Variants in FAT3 observed in about 807,000 individuals in gnomAD.
FAT3 encodes FAT atypical cadherin 3.
A neutral mutation model predicts 310.2 loss-of-function variants in FAT3; 95 were observed. The ratio of observed to expected loss-of-function variants is 0.31; its 90% CI spans 0.26 to 0.36. The LOEUF is 0.36. FAT3 is among the 10% of genes least tolerant of loss of function. The pLI, the probability that FAT3 is intolerant of heterozygous loss-of-function variation, is 1.00. For missense variants in FAT3, 5,408 were observed against 5,715.6 expected, an observed-to-expected ratio of 0.95 and a Z score of 1.74; for synonymous variants, 2,314 against 2,192.9, an observed-to-expected ratio of 1.06 and a Z score of -1.54.
At chr11:92,822,457 C>T (rs1411813868) in intron 13 of FAT3, among the ~76,000 whole-genome samples, 1 of 152,100 alleles carries the variant, frequency 6.6e-6, no homozygotes, top group Non-Finnish European at 1.5e-5. Context: ...GCAGAAAATC[C>T]AAGGACCCCA....
At chr11:92,427,563 G>A (rs1204039748) in intron 2 of FAT3, among the ~76,000 whole-genome samples, 1 of 152,138 alleles carries the variant, frequency 6.6e-6, no homozygotes, top group Non-Finnish European at 1.5e-5. Context: ...AGTCTATTGA[G>A]AGTTTTTAGA....
chr11:92,488,450 G>GCCCCCCCT (rs1952495332), intron 2 of FAT3, among the ~76,000 whole-genome samples: 1 of 9,334 alleles, frequency 1.1e-4, no homozygotes, highest in Admixed American at 2.4e-3. Flanking sequence ...AACTAGCACC[G>GCCCCCCCT]CCCCCCCCCC....
chr11:92,687,338 A>G (rs916531415), intron 3 of FAT3, among the ~76,000 whole-genome samples: 1 of 152,210 alleles, frequency 6.6e-6, no homozygotes, highest in East Asian at 1.9e-4. Context: ...TAGCAGAGCC[A>G]GGACTTAGAC....
chr11:92,386,239 T>C (rs985814306), intron 2 of FAT3, among the ~76,000 whole-genome samples: 2 of 152,256 alleles, frequency 1.3e-5, no homozygotes, highest in South Asian at 4.1e-4. Context: ...AGTTTTGTTA[T>C]CTAGCTTGAA....
chr11:92,294,877 T>G (rs1189715814), intron 1 of FAT3, among the ~76,000 whole-genome samples: 1 of 152,122 alleles, frequency 6.6e-6, no homozygotes, highest in Non-Finnish European at 1.5e-5. Context: ...CTTTCAAGTC[T>G]TGTGTTTTTA....
At chr11:92,741,716 C>T (rs112470413) in intron 4 of FAT3, among the ~76,000 whole-genome samples, 3 of 152,228 alleles carry the variant, frequency 2.0e-5, no homozygotes, top group African/African-American at 4.8e-5. Context: ...CCAAGATGAA[C>T]CATCTTTCTG....
intron 4 of FAT3, among the ~76,000 whole-genome samples, chr11:92,707,730 T>C (rs866031866): frequency 3.4e-4 from 51 of 152,166 alleles, no homozygotes; most frequent in Admixed American, 2.4e-3. Context: ...CTAGTTTATT[T>C]TATGACACAC....
At chr11:92,655,898 C>T (rs150750967) in intron 3 of FAT3, among the ~76,000 whole-genome samples, 2 of 152,300 alleles carry the variant, frequency 1.3e-5, no homozygotes, top group East Asian at 1.9e-4. Context: ...TCCAGAATTA[C>T]GTCTTCATTT....
intron 4 of FAT3, among the ~76,000 whole-genome samples, chr11:92,719,706 C>T (rs989469597): frequency 4.8e-5 from 7 of 147,274 alleles, no homozygotes; most frequent in Non-Finnish European, 7.4e-5. Context: ...CCCATGGATA[C>T]AGGAGAACCA....
At chr11:92,733,838 A>G (rs1175343971) in intron 4 of FAT3, among the ~76,000 whole-genome samples, 1 of 152,174 alleles carries the variant, frequency 6.6e-6, no homozygotes, top group Non-Finnish European at 1.5e-5. Context: ...AATAGAGATG[A>G]TTGTTTAGGG....
At chr11:92,501,047 C>A (rs919731706) in intron 2 of FAT3, among the ~76,000 whole-genome samples, 3 of 151,982 alleles carry the variant, frequency 2.0e-5, no homozygotes, top group African/African-American at 7.2e-5. Flanking sequence ...TGGATGACAG[C>A]TTTTGGATGA....
chr11:92,423,683 AG>A (rs1438054331), intron 2 of FAT3, among the ~76,000 whole-genome samples: 1 of 152,068 alleles, frequency 6.6e-6, no homozygotes, highest in East Asian at 1.9e-4. Flanking sequence ...CTGTAGAGAG[AG>A]GGTGGGGAGG....
At position 92,683,204 on chromosome 11, in the gene FAT3, G is replaced by A. The variant is rs960009995; in HGVS notation, c.3608-14180G>A. ...CTGAGGATGACAGGAATGGAGTGGG[G>A]AATTTTCCCATTGTTGCCCACAATG... is the stretch of plus-strand genomic sequence containing the variant. On this transcript the variant is annotated intron_variant, in intron 3 of 27. Transcript: ENST00000525166. Among the ~76,000 whole-genome samples, 55 of 152,054 alleles carry A rather than the reference G, an allele frequency of 3.6e-4. 1 individual carries two copies. The highest frequency in any genetic ancestry group is 6.9e-4 in the Non-Finnish European group (47 of 68,010).
chr11:92,387,527 T>G (rs1591210015), intron 2 of FAT3, among the ~76,000 whole-genome samples: 1 of 152,208 alleles, frequency 6.6e-6, no homozygotes, highest in Admixed American at 6.5e-5. Flanking sequence ...AGCACCCAAC[T>G]CAAGATATTA....
At chr11:92,440,772 T>G (rs1951048517) in intron 2 of FAT3, among the ~76,000 whole-genome samples, 1 of 152,172 alleles carries the variant, frequency 6.6e-6, no homozygotes, top group Non-Finnish European at 1.5e-5. Context: ...TAGTAATAAT[T>G]GTGCTTTCCA....
intron 2 of FAT3, among the ~76,000 whole-genome samples, chr11:92,417,044 G>T (rs1018423886): frequency 2.6e-5 from 4 of 152,106 alleles, no homozygotes; most frequent in Non-Finnish European, 5.9e-5. Flanking sequence ...GGATAATGAA[G>T]GTATTGAGGC....
intron 18 of FAT3, among the ~76,000 whole-genome samples, chr11:92,843,663 T>C (rs890171030): frequency 6.6e-6 from 1 of 152,216 alleles, no homozygotes; most frequent in Admixed American, 6.5e-5. Flanking sequence ...TTGAGTCTTG[T>C]AGCCCTCTGT....
chr11:92,669,401 G>A (rs796828096), intron 3 of FAT3, among the ~76,000 whole-genome samples: 29 of 152,316 alleles, frequency 1.9e-4, no homozygotes, highest in African/African-American at 7.0e-4. Flanking sequence ...GCACATAGGG[G>A]AGTCCTCAAT....
chr11:92,508,542 GAGAGA>G (rs1368749373), intron 2 of FAT3, among the ~76,000 whole-genome samples: 2 of 152,132 alleles, frequency 1.3e-5, no homozygotes, highest in Admixed American at 6.6e-5. Flanking sequence ...AGCGTAAAAG[GAGAGA>G]AGTTCAAGTC....
Sources: allele counts gnomAD v4.1 joint callset (sites outside exome capture counted in the v4.1 genomes callset), GRCh38; gene constraint gnomAD v4.1.1; transcripts MANE v1.5; gene names NCBI Gene and HGNC (gene_info 2026-07-23, HGNC 2026-07-21).